XKR6: variants seen among roughly 807,000 people sequenced by gnomAD.
XKR6 encodes the protein XK-related protein 6.
In XKR6, 22 loss-of-function variants were observed where a neutral mutation model predicts 56.7. That is an observed-to-expected ratio of 0.39 (90% CI 0.28 to 0.55). The LOEUF (loss-of-function observed/expected upper bound fraction) is 0.55. XKR6 is among the 20% of genes least tolerant of loss of function. XKR6 has a pLI of 0.66. For synonymous variants in XKR6, 524 were observed against 387.8 expected (o/e 1.35, Z -4.13); for missense variants, 852 against 889.0 (o/e 0.96, Z 0.53).
intron 1 of XKR6, among the ~76,000 whole-genome samples, chr8:10,989,993 C>G (rs974066402): frequency 2.0e-5 from 3 of 152,184 alleles, no homozygotes; most frequent in Non-Finnish European, 2.9e-5. Flanking sequence ...AGAGCAGATG[C>G]CAAACTGGGA....
At chr8:10,991,058 C>A (rs908916717) in intron 1 of XKR6, among the ~76,000 whole-genome samples, 1 of 152,118 alleles carries the variant, frequency 6.6e-6, no homozygotes, top group African/African-American at 2.4e-5. Context: ...CACCCACCAA[C>A]ATGCCCAGCT....
intron 1 of XKR6, among the ~76,000 whole-genome samples, chr8:10,977,973 A>G (rs1287713727): frequency 6.6e-6 from 1 of 152,178 alleles, no homozygotes; most frequent in African/African-American, 2.4e-5. Flanking sequence ...TGTCACCCAC[A>G]TGTCTCCAGC....
chr8:10,969,525 G>C (rs1484687320), intron 1 of XKR6, among the ~76,000 whole-genome samples: 1 of 152,212 alleles, frequency 6.6e-6, no homozygotes, highest in African/African-American at 2.4e-5. Context: ...TCCTATGCAG[G>C]CATCCCTGGC....
chr8:11,151,208 G>C (rs1801252301), intron 1 of XKR6, among the ~76,000 whole-genome samples: 1 of 152,044 alleles, frequency 6.6e-6, no homozygotes, highest in African/African-American at 2.4e-5. Flanking sequence ...CCCAAAAGTA[G>C]AGAATTTCTA....
At chr8:10,986,925 C>T (rs1454474027) in intron 1 of XKR6, among the ~76,000 whole-genome samples, 1 of 150,548 alleles carries the variant, frequency 6.6e-6, no homozygotes, top group African/African-American at 2.5e-5. Context: ...TGTGCACTAC[C>T]ATGCCTGGCC....
chr8:10,978,512 G>T (rs1797643215), intron 1 of XKR6, among the ~76,000 whole-genome samples: 1 of 152,168 alleles, frequency 6.6e-6, no homozygotes, highest in Non-Finnish European at 1.5e-5. Context: ...ATGGGAAACA[G>T]GTGTATTTTA....
At chr8:11,089,101 A>G (rs965859408) in intron 1 of XKR6, among the ~76,000 whole-genome samples, 1 of 152,202 alleles carries the variant, frequency 6.6e-6, no homozygotes, top group African/African-American at 2.4e-5. Context: ...ATAGGACGTG[A>G]CCTGGGACCC....
chr8:11,085,454 GTGTA>G (rs1339408257), intron 1 of XKR6, among the ~76,000 whole-genome samples: 2 of 152,050 alleles, frequency 1.3e-5, no homozygotes, highest in Non-Finnish European at 2.9e-5. Context: ...GTGTGTGTGT[GTGTA>G]TGTATGTGCA....
In XKR6 at chr8:10,897,796, A is replaced by C; in HGVS notation, c.*156T>G. On this transcript the variant is annotated 3_prime_UTR_variant, in exon 3 of 3. Coordinates refer to ENST00000416569, the MANE Select transcript of XKR6 (RefSeq NM_173683.4). ...TATTTGAAGGGGTTGTGACTTATTA[A>C]TTCTTTTTTTTTTGTAGTGGTGGTG... is the stretch of plus-strand genomic sequence containing the variant. The C allele has an allele frequency of 1.1e-6, 1 of 936,488 alleles. No homozygotes were observed. The highest frequency in any genetic ancestry group is 1.5e-6 in the Non-Finnish European group (1 of 658,114). The allele number at this position is 936,488 out of a possible 1,614,324, so 58.0% of individuals were successfully genotyped here.
At chr8:11,097,595 G>C (rs1385545487) in intron 1 of XKR6, among the ~76,000 whole-genome samples, 2 of 151,690 alleles carry the variant, frequency 1.3e-5, no homozygotes, top group African/African-American at 4.8e-5. Context: ...ATCAACCGAG[G>C]TCAGGAGTTC....
At position 11,195,327 on chromosome 8, in the gene XKR6, A is replaced by AG. The variant is rs1803815480; in HGVS notation, c.764+5248_764+5249insC. 5 of 583,894 alleles carry AG rather than the reference A, an allele frequency of 8.6e-6. No homozygotes were observed. The South Asian group carries it at 1.1e-4, about 12-fold the overall frequency. The allele number at this position is 583,894 out of a possible 1,614,324, so 36.2% of individuals were successfully genotyped here. A position where few individuals can be genotyped will look rare whatever the true frequency, so the allele number is the denominator to read the frequency against. ...TTCTGTTTACCTAAGGTAGAGATTC[A>AG]TTTTTTTTTCCAAATGGATAGTCAA... On this transcript the variant is annotated intron_variant, in intron 1 of 2. Coordinates refer to ENST00000416569, the MANE Select transcript of XKR6 (RefSeq NM_173683.4).
At chr8:11,007,927 G>A (rs958759009) in intron 1 of XKR6, among the ~76,000 whole-genome samples, 15 of 151,452 alleles carry the variant, frequency 9.9e-5, no homozygotes, top group African/African-American at 3.7e-4. Flanking sequence ...GGGGCAGAGT[G>A]GGGGGAGGGC....
chr8:10,933,467 T>A (rs1293097279), intron 1 of XKR6, among the ~76,000 whole-genome samples: 1 of 128,590 alleles, frequency 7.8e-6, no homozygotes, highest in Admixed American at 7.3e-5. Flanking sequence ...CATGAAGTCC[T>A]TGCCCACGCC....
At chr8:11,031,702 T>A (rs1047102433) in intron 1 of XKR6, among the ~76,000 whole-genome samples, 7 of 151,938 alleles carry the variant, frequency 4.6e-5, no homozygotes, top group Non-Finnish European at 8.8e-5. Flanking sequence ...GAAGAAGACA[T>A]TTGCTAGAAA....
intron 1 of XKR6, among the ~76,000 whole-genome samples, chr8:11,149,485 T>G (rs894192497): frequency 6.6e-6 from 1 of 152,200 alleles, no homozygotes. Context: ...ATACTTTACA[T>G]GTTGTCTACA....
At chr8:11,088,831 T>A (rs956055399) in intron 1 of XKR6, among the ~76,000 whole-genome samples, 4 of 152,218 alleles carry the variant, frequency 2.6e-5, no homozygotes. Context: ...CAAGATTAAG[T>A]GAACTTTAAT....
chr8:11,128,828 G>C, intron 1 of XKR6: 1 of 456,840 alleles, frequency 2.2e-6, no homozygotes, highest in South Asian at 1.5e-5. Flanking sequence ...TCCAGAATCT[G>C]ATCACCTTAC....
At chr8:11,096,571 T>G (rs1798268629) in intron 1 of XKR6, among the ~76,000 whole-genome samples, 1 of 152,254 alleles carries the variant, frequency 6.6e-6, no homozygotes, top group Admixed American at 6.5e-5. Flanking sequence ...ATGCTACCAT[T>G]GCACTCCTCA....
Position 11,160,805 on chromosome 8 carries a change from G to A in XKR6, c.764+39771C>T, listed in dbSNP as rs1287775490. Among the ~76,000 whole-genome samples, 5 of 150,190 alleles carry A rather than the reference G, an allele frequency of 3.3e-5. No individual in the cohort carries two copies. In the East Asian group the frequency reaches 5.8e-4, roughly 17 times the overall value. ...TGCCTGTATGTAGTCCCAGCTACTCGGTAGGCTAAGCCAAGAGAAACCCTT... is the reference window on the plus strand; with the variant it reads ...TGCCTGTATGTAGTCCCAGCTACTCAGTAGGCTAAGCCAAGAGAAACCCTT... On this transcript the variant is annotated intron_variant, in intron 1 of 2. Transcript: ENST00000416569.
Sources: gnomAD v4.1 joint callset for allele counts (sites outside exome capture counted in the v4.1 genomes callset) on GRCh38, gnomAD v4.1.1 for gene constraint, MANE v1.5 for transcripts, NCBI Gene and HGNC (gene_info 2026-07-23, HGNC 2026-07-21) for gene names.